CSMD3: variants seen among roughly 807,000 people sequenced by gnomAD.
The protein encoded by CSMD3 is CUB and Sushi multiple domains 3.
A neutral mutation model predicts 435.2 loss-of-function variants in CSMD3; 177 were observed. That is an observed-to-expected ratio of 0.41 (90% CI 0.36 to 0.46). The LOEUF is 0.46. Ranked by LOEUF, CSMD3 falls within the 20% of genes least tolerant of loss-of-function variation. CSMD3 has a pLI of 0.34. For missense variants in CSMD3, 4,265 were observed against 4,504.6 expected, an observed-to-expected ratio of 0.95 and a Z score of 1.52; for synonymous variants, 1,656 against 1,520.5, an observed-to-expected ratio of 1.09 and a Z score of -2.07.
intron 53 of CSMD3, among the ~76,000 whole-genome samples, chr8:112,301,285 A>G (rs1397488723): frequency 1.3e-5 from 2 of 152,074 alleles, no homozygotes. Flanking sequence ...TCTAAGGGGA[A>G]AACATCCTAA....
chr8:112,875,120 C>T (rs1359214213), intron 10 of CSMD3, among the ~76,000 whole-genome samples: 1 of 152,114 alleles, frequency 6.6e-6, no homozygotes, highest in Admixed American at 6.6e-5. Context: ...CTCATGGTGA[C>T]AAAATCTCTC....
At chr8:112,928,628 T>C (rs1464073579) in intron 9 of CSMD3, among the ~76,000 whole-genome samples, 3 of 150,716 alleles carry the variant, frequency 2.0e-5, no homozygotes, top group Middle Eastern at 3.4e-3. Flanking sequence ...CATCATTTTT[T>C]ATGGCTGCAT....
chr8:113,001,347 T>A (rs1477698464), intron 6 of CSMD3, among the ~76,000 whole-genome samples: 1 of 152,116 alleles, frequency 6.6e-6, no homozygotes, highest in Non-Finnish European at 1.5e-5. Context: ...CCTGCTATGT[T>A]TTAGCCACAT....
chr8:113,053,163 G>T (rs1030751668), intron 5 of CSMD3, among the ~76,000 whole-genome samples: 6 of 151,822 alleles, frequency 4.0e-5, no homozygotes, highest in African/African-American at 1.2e-4. Context: ...CAGGAAAAAA[G>T]AAATAAAAAA....
At position 112,550,837 on chromosome 8, in the gene CSMD3, A is replaced by T. The variant is rs1827616023; in HGVS notation, c.4398T>A (p.His1466Gln). The T allele has an allele frequency of 6.2e-7, 1 of 1,612,450 alleles. No homozygotes were observed. Among genetic ancestry groups the T allele is most frequent in the East Asian group, 2.2e-5 (1 of 44,780 alleles). The change falls in exon 27 of 71, where the codon CAT becomes CAA. Residue 1466 changes from histidine to glutamine, a missense_variant. Physicochemically the swap from His to Gln is conservative, Grantham distance 24. This residue lies in a region of CSMD3 where 3,255 missense variants were observed against 3,380.2 expected (regional missense o/e 0.96). Transcript: ENST00000297405. ...QFLAFDTEAS[H>Q]DILRVWDGPP... ...GACCGTCCCAGACTCGGAGTATATC[A>T]TGTGATGCTTCCGTATCAAAAGCAA...
chr8:112,929,988 G>A lies in CSMD3; in HGVS notation c.1509-8237C>T, dbSNP rs1296106305. 2.6e-5 allele frequency among the ~76,000 whole-genome samples: 4 copies of A among 151,970 alleles called. No individual in the cohort carries two copies. The East Asian group carries it at 7.7e-4, about 29-fold the overall frequency. The stretch of plus-strand genomic sequence containing the variant: ...TGGTATGATCATAGGAAAGAAAGTG[G>A]TTAAGATTATAAAGTAGAACTTGGT... On this transcript the variant is annotated intron_variant, in intron 9 of 70. Transcript: ENST00000297405.
chr8:112,452,606 T>C (rs1816409693), intron 32 of CSMD3, among the ~76,000 whole-genome samples: 1 of 152,194 alleles, frequency 6.6e-6, no homozygotes, highest in African/African-American at 2.4e-5. Context: ...ATAGACAATA[T>C]TTTATTGCCT....
Position 112,247,122 on chromosome 8 carries a change from CA to C in CSMD3, c.10119del (p.Ser3373ArgfsTer51). 1.2e-6 allele frequency: 2 copies of C among 1,609,048 alleles called. No individual in the cohort carries two copies. Among genetic ancestry groups the C allele is most frequent in the Non-Finnish European group, 1.7e-6 (2 of 1,175,596 alleles). The stretch of plus-strand genomic sequence containing the variant: ...CCTTTTTTGCAATGGAACTGTACAA[CA>C]CTTCCTACCTATAGCAAATTAAAGA... The part of the protein sequence containing the change: ...QNNTFGFQVG[S>X]VVQFHCKKGH... On this transcript the variant is annotated frameshift_variant, in exon 64 of 71. Coordinates refer to ENST00000297405, the MANE Select transcript of CSMD3 (RefSeq NM_198123.2). LOFTEE classifies it high-confidence loss of function.
chr8:112,314,281 G>A (rs900387600), intron 48 of CSMD3, 148 bp downstream of exon 48: 1 of 678,652 alleles, frequency 1.5e-6, no homozygotes, highest in Admixed American at 2.8e-5. Flanking sequence ...ATTTTCATAT[G>A]GTATAGGAGT....
intron 13 of CSMD3, among the ~76,000 whole-genome samples, chr8:112,783,579 G>A (rs1040784561): frequency 1.3e-5 from 2 of 151,868 alleles, no homozygotes; most frequent in Non-Finnish European, 2.9e-5. Context: ...TGAAGGTAGT[G>A]AATTCTTACT....
intron 32 of CSMD3, 118 bp from the exon 33 acceptor site, chr8:112,409,150 AT>A (rs1254495295): frequency 2.2e-5 from 33 of 1,525,594 alleles, no homozygotes; most frequent in South Asian, 2.0e-4. Flanking sequence ...TATAATAGTC[AT>A]TTTTTTTCTA....
intron 47 of CSMD3, among the ~76,000 whole-genome samples, chr8:112,315,973 T>C (rs1261007849): frequency 6.6e-6 from 1 of 151,818 alleles, no homozygotes; most frequent in African/African-American, 2.4e-5. Context: ...ATATTCATAG[T>C]GTTCAGGGTA....
At chr8:112,800,012 T>C (rs2078923825) in intron 13 of CSMD3, 150 bp downstream of exon 13, 2 of 653,658 alleles carry the variant, frequency 3.1e-6, no homozygotes, top group Non-Finnish European at 5.5e-6. Context: ...AATTAACATT[T>C]GTAGTTAAAT....
chr8:112,960,179 T>A (rs972712045), intron 7 of CSMD3, among the ~76,000 whole-genome samples: 21 of 151,622 alleles, frequency 1.4e-4, no homozygotes, highest in African/African-American at 5.1e-4. Context: ...AGTACAAAAA[T>A]TTAACTTTTT....
intron 17 of CSMD3, among the ~76,000 whole-genome samples, chr8:112,656,830 A>G (rs1314643442): frequency 6.6e-6 from 1 of 152,002 alleles, no homozygotes; most frequent in Non-Finnish European, 1.5e-5. Context: ...GGACAAATCT[A>G]TTTCTGCCTT....
rs181423914 is a variant in CSMD3 at position 112,248,637 on chromosome 8, C to G, written c.10111-1506G>C. Among the ~76,000 whole-genome samples the G allele has an allele frequency of 2.2e-4, 34 of 152,178 alleles. No individual in the cohort carries two copies. The East Asian group carries it at 3.5e-3, about 16-fold the overall frequency. ...TCTGCCTTCCCCTTAATTCCTACCC[C>G]CTCTTGAGCGGACAATAAGAAGCTA... is the stretch of plus-strand genomic sequence containing the variant. On this transcript the variant is annotated intron_variant, in intron 63 of 70. Transcript: ENST00000297405.
In CSMD3 at chr8:113,420,953, A is replaced by G. The variant is rs184920373; in HGVS notation, c.178+15724T>C. On this transcript the variant is annotated intron_variant, in intron 1 of 70. Transcript: ENST00000297405. ...CCGTTTAAAAAAAAAAAAGAAATGT[A>G]AATTATAATACGATGATGACTTGTA... Among the ~76,000 whole-genome samples the G allele has an allele frequency of 5.3e-5, 8 of 152,200 alleles. No homozygotes were observed. The East Asian group carries it at 9.6e-4, about 18-fold the overall frequency.
chr8:112,481,909 T>C (rs1180514902), intron 31 of CSMD3, among the ~76,000 whole-genome samples: 2 of 152,184 alleles, frequency 1.3e-5, no homozygotes, highest in South Asian at 4.1e-4. Flanking sequence ...TAACAACACA[T>C]AATTCATTTT....
intron 24 of CSMD3, among the ~76,000 whole-genome samples, chr8:112,568,099 C>T (rs1241982208): frequency 6.6e-6 from 1 of 152,072 alleles, no homozygotes; most frequent in African/African-American, 2.4e-5. Context: ...GCAGTGAAAT[C>T]CCCTAGAGGT....
Sources: allele counts gnomAD v4.1 joint callset (sites outside exome capture counted in the v4.1 genomes callset), GRCh38; gene constraint gnomAD v4.1.1; regional missense constraint gnomAD v4.1.1; transcripts MANE v1.5; gene names NCBI Gene and HGNC (gene_info 2026-07-23, HGNC 2026-07-21).